The following PPARGC1A variants were observed in gnomAD, a reference collection of about 807,000 sequenced individuals.
The protein encoded by PPARGC1A is PPARG coactivator 1 alpha.
A neutral mutation model predicts 88.7 loss-of-function variants in PPARGC1A; 25 were observed. That is an observed-to-expected ratio of 0.28 (90% CI 0.21 to 0.39). The LOEUF is 0.39. PPARGC1A is among the 10% of genes least tolerant of loss of function. PPARGC1A has a pLI of 1.00. For missense variants in PPARGC1A, 880 were observed against 968.7 expected (o/e 0.91, Z 1.22); for synonymous variants, 363 against 355.6 (o/e 1.02, Z -0.24).
the PPARGC1A span, among the ~76,000 whole-genome samples, chr4:24,380,141 T>C: frequency 6.6e-6 from 1 of 152,168 alleles, no homozygotes; most frequent in Non-Finnish European, 1.5e-5. Flanking sequence ...ATTAATGTTA[T>C]TTAAAGGGAA....
the PPARGC1A span, among the ~76,000 whole-genome samples, chr4:24,381,301 G>T: frequency 5.0e-4 from 76 of 152,306 alleles, 1 homozygote; most frequent in African/African-American, 1.8e-3. Context: ...GGAGCTTATG[G>T]ATAATTCAGA....
At chr4:23,839,241 G>C (rs748205123) in intron 2 of PPARGC1A, among the ~76,000 whole-genome samples, 2 of 152,058 alleles carry the variant, frequency 1.3e-5, no homozygotes, top group African/African-American at 2.4e-5. Flanking sequence ...GAGGTTATAA[G>C]AGCCAGAAGT....
the PPARGC1A span, among the ~76,000 whole-genome samples, chr4:24,166,486 G>A: frequency 6.8e-4 from 104 of 152,304 alleles, no homozygotes; most frequent in African/African-American, 2.4e-3. Context: ...TAGAAAGGAG[G>A]AGTCAATGCT....
chr4:23,841,643 C>T (rs2148609855), intron 2 of PPARGC1A, among the ~76,000 whole-genome samples: 1 of 152,024 alleles, frequency 6.6e-6, no homozygotes, highest in African/African-American at 2.4e-5. Flanking sequence ...AGTTTCAAAC[C>T]TGGAGCCATT....
At chr4:24,206,044 G>A in the PPARGC1A span, among the ~76,000 whole-genome samples, 1 of 152,136 alleles carries the variant, frequency 6.6e-6, no homozygotes, top group Non-Finnish European at 1.5e-5. Context: ...TGGGCTGAGG[G>A]CAAAAATGTC....
the PPARGC1A span, among the ~76,000 whole-genome samples, chr4:24,009,150 A>AAGAG: frequency 3.3e-3 from 262 of 79,740 alleles, 16 homozygotes; most frequent in Middle Eastern, 0.023. Flanking sequence ...AAAAAAAAAA[A>AAGAG]AGAGAGAGAA....
At chr4:24,293,040 C>G in the PPARGC1A span, among the ~76,000 whole-genome samples, 2 of 5,844 alleles carry the variant, frequency 3.4e-4, no homozygotes, top group East Asian at 4.3e-3. Flanking sequence ...CTCACCCCCA[C>G]TCCTGCCTGC....
chr4:24,095,976 T>G, the PPARGC1A span, among the ~76,000 whole-genome samples: 1 of 152,160 alleles, frequency 6.6e-6, no homozygotes, highest in African/African-American at 2.4e-5. Flanking sequence ...AAGGATCTAT[T>G]CAAACCATAG....
the PPARGC1A span, among the ~76,000 whole-genome samples, chr4:23,997,065 T>C: frequency 6.6e-6 from 1 of 152,204 alleles, no homozygotes; most frequent in African/African-American, 2.4e-5. Flanking sequence ...TGGTAGTATA[T>C]GTGCCATATT....
At chr4:23,807,875 A>G (rs1284657211) in intron 10 of PPARGC1A, among the ~76,000 whole-genome samples, 1 of 152,148 alleles carries the variant, frequency 6.6e-6, no homozygotes, top group Non-Finnish European at 1.5e-5. Context: ...ATCTTTCCAT[A>G]AAACTGAATA....
the PPARGC1A span, among the ~76,000 whole-genome samples, chr4:24,359,465 T>C: frequency 3.9e-5 from 6 of 152,208 alleles, no homozygotes; most frequent in Non-Finnish European, 8.8e-5. Flanking sequence ...GGATATCTCA[T>C]GGCATCTGAA....
At chr4:24,137,127 A>G in the PPARGC1A span, among the ~76,000 whole-genome samples, 1 of 152,008 alleles carries the variant, frequency 6.6e-6, no homozygotes, top group Non-Finnish European at 1.5e-5. Context: ...AAAAAAAAAA[A>G]AAAAAGTAAT....
chr4:23,869,549 C>A (rs1008374692), intron 2 of PPARGC1A, among the ~76,000 whole-genome samples: 1 of 152,018 alleles, frequency 6.6e-6, no homozygotes, highest in Non-Finnish European at 1.5e-5. Flanking sequence ...ATTTAGGAAG[C>A]CCAGTCCTGT....
At chr4:23,877,979 C>T (rs1158425593) in intron 2 of PPARGC1A, 1 of 152,146 alleles carries the variant, frequency 6.6e-6, no homozygotes, top group African/African-American at 2.4e-5. Flanking sequence ...GCACCCTGAA[C>T]CTTGTGATTA....
At position 23,872,944 on chromosome 4, in the gene PPARGC1A, A is replaced by G. The variant is rs181219661; in HGVS notation, c.234+11808T>C. ...CAGTGGCTCACACCTGTAATCCCGCACTTCGGGAGGCCGAGGTGGGCGGAT... is the reference window on the plus strand; with the variant it reads ...CAGTGGCTCACACCTGTAATCCCGCGCTTCGGGAGGCCGAGGTGGGCGGAT... On this transcript the variant is annotated intron_variant, in intron 2 of 12. Transcript: ENST00000264867. Among the ~76,000 whole-genome samples the G allele has an allele frequency of 5.3e-3, 804 of 152,224 alleles. 1 individual carries two copies. Among genetic ancestry groups the G allele is most frequent in the Admixed American group, 9.1e-3 (140 of 15,304 alleles).
At chr4:24,200,755 T>TA in the PPARGC1A span, among the ~76,000 whole-genome samples, 1 of 152,010 alleles carries the variant, frequency 6.6e-6, no homozygotes, top group African/African-American at 2.4e-5. Flanking sequence ...TTGCATTTGC[T>TA]ATATTATCCT....
At chr4:24,041,613 T>C in the PPARGC1A span, among the ~76,000 whole-genome samples, 1 of 152,170 alleles carries the variant, frequency 6.6e-6, no homozygotes, top group African/African-American at 2.4e-5. Context: ...GTTCTTTGCC[T>C]GTTGAGGGTT....
chr4:23,899,024 T>C (rs1718961036), intron 1 of PPARGC1A, among the ~76,000 whole-genome samples: 1 of 151,918 alleles, frequency 6.6e-6, no homozygotes, highest in African/African-American at 2.4e-5. Context: ...GTATTTTTAG[T>C]AGAGACGGGG....
the PPARGC1A span, among the ~76,000 whole-genome samples, chr4:24,020,695 T>G: frequency 6.6e-6 from 1 of 151,878 alleles, no homozygotes; most frequent in African/African-American, 2.4e-5. Context: ...AAGGCAGAGA[T>G]GAGAAAGGGA....
Sources: allele counts gnomAD v4.1 joint callset (sites outside exome capture counted in the v4.1 genomes callset), GRCh38; gene constraint gnomAD v4.1.1; transcripts MANE v1.5; gene names NCBI Gene and HGNC (gene_info 2026-07-23, HGNC 2026-07-21).